NPR1: variants seen among roughly 807,000 people sequenced by gnomAD.
NPR1 encodes atrial natriuretic peptide receptor 1.
A neutral mutation model predicts 116.9 loss-of-function variants in NPR1; 57 were observed. That is an observed-to-expected ratio of 0.49 (90% CI 0.39 to 0.61). The LOEUF is 0.61. Among genes scored for constraint, NPR1 ranks in the 20% least tolerant of loss-of-function variants. NPR1 has a pLI of 0.00. For synonymous variants in NPR1, 555 were observed against 601.6 expected, an observed-to-expected ratio of 0.92 and a Z score of 1.13; for missense variants, 1,096 against 1,409.8, an observed-to-expected ratio of 0.78 and a Z score of 3.56.
Position 153,689,537 on chromosome 1 carries a change from G to A in NPR1, c.2757+16G>A, listed in dbSNP as rs746405749. 2 of 1,608,700 alleles carry A rather than the reference G, an allele frequency of 1.2e-6. No individual in the cohort carries two copies. Among genetic ancestry groups the A allele is most frequent in the Non-Finnish European group, 1.7e-6 (2 of 1,175,116 alleles). ...TGTGTACAAGGTGAGGGTGGGAGTG[G>A]GGATGGGAAGGGACAGACAGACATG... On this transcript the variant is annotated intron_variant, in intron 18 of 21. Transcript: ENST00000368680. This position sits in a 1 kb window ranked among gnomAD's most constrained non-coding sequence, Gnocchi z 5.1.
chr1:153,692,523 T>A (rs1362190964), intron 20 of NPR1, among the ~76,000 whole-genome samples: 1 of 151,842 alleles, frequency 6.6e-6, no homozygotes, highest in African/African-American at 2.4e-5. Context: ...TTTTTTTTTT[T>A]TTGGAGACAG....
At position 153,679,807 on chromosome 1, in the gene NPR1, G is replaced by C. The variant is rs1430301101; in HGVS notation, c.699G>C (p.Arg233=). ...DDLSHYTRLL[R]TMPRKGRVIY... Reference sequence around the variant, plus strand: ...TCAGCCACTACACCAGGCTGCTGCGGACCATGCCGCGCAAAGGCCGAGGTG... The same window carrying C: ...TCAGCCACTACACCAGGCTGCTGCGCACCATGCCGCGCAAAGGCCGAGGTG... Residue 233 remains arginine (R), a synonymous_variant, in exon 1 of 22, where the codon CGG becomes CGC. Coordinates refer to ENST00000368680, the MANE Select transcript of NPR1 (RefSeq NM_000906.4). The surrounding 1 kb of genome is among the most constrained non-coding windows in gnomAD (Gnocchi z 4.2). The C allele has an allele frequency of 1.3e-6, 2 of 1,544,474 alleles. No homozygotes were observed. Among genetic ancestry groups the C allele is most frequent in the Middle Eastern group, 1.7e-4 (1 of 5,984 alleles).
intron 19 of NPR1, 108 bp downstream of exon 19, chr1:153,690,088 C>G: frequency 3.1e-6 from 2 of 652,880 alleles, no homozygotes; most frequent in South Asian, 2.0e-5. Context: ...CTCTCTCTCT[C>G]TCTCTCTCTC....
chr1:153,686,052 T>C (rs1669918866), intron 9 of NPR1, 71 bp from the exon 10 acceptor site: 1 of 1,535,698 alleles, frequency 6.5e-7, no homozygotes, highest in Non-Finnish European at 9.0e-7. Context: ...GGATGGGCTG[T>C]CGGGAGCAGC....
Position 153,689,493 on chromosome 1 carries a change from C to A in NPR1, c.2729C>A (p.Ala910Asp). 1 of 1,614,142 alleles carries A rather than the reference C, an allele frequency of 6.2e-7. No homozygotes were observed. The highest frequency in any genetic ancestry group is 8.5e-7 in the Non-Finnish European group (1 of 1,179,986). ...AATGACCTGTACACTTGCTTTGATG[C>A]TGTCATAGACAACTTTGATGTGTAC... The part of the protein sequence containing the change: ...LLNDLYTCFD[A>D]VIDNFDVYKV... Residue 910 changes from alanine (A) to aspartate (D), a missense_variant, in exon 18 of 22, where the codon GCT becomes GAT. Physicochemically the swap from Ala to Asp is moderately radical, Grantham distance 126. Transcript: ENST00000368680. This position sits in a 1 kb window ranked among gnomAD's most constrained non-coding sequence, Gnocchi z 5.1.
chr1:153,683,903 G>A (rs1437792870), intron 7 of NPR1, 79 bp downstream of exon 7: 5 of 1,294,068 alleles, frequency 3.9e-6, no homozygotes, highest in Non-Finnish European at 5.6e-6. Context: ...GGGACCCAGA[G>A]GGAAGAGGGC....
chr1:153,687,239 G>A lies in NPR1; in HGVS notation c.1975G>A (p.Gly659Arg). 6.2e-7 allele frequency: 1 copy of A among 1,614,154 alleles called. No individual in the cohort carries two copies. Among genetic ancestry groups the A allele is most frequent in the Non-Finnish European group, 8.5e-7 (1 of 1,180,006 alleles). ...FLHNGAICSH[G>R]NLKSSNCVVD... Reference sequence around the variant, plus strand: ...ACACAATGGGGCTATCTGTTCCCATGGGAACCTCAAGTCATCCAACTGCGT... The same window carrying A: ...ACACAATGGGGCTATCTGTTCCCATAGGAACCTCAAGTCATCCAACTGCGT... Residue 659 changes from glycine to arginine, a missense_variant, in exon 13 of 22, where the codon GGG (glycine) becomes AGG (arginine). Gly to Arg is a moderately radical substitution (Grantham distance 125). Transcript: ENST00000368680.
intron 3 of NPR1, 168 bp from the exon 4 acceptor site, chr1:153,681,536 T>G: frequency 1.4e-6 from 1 of 715,994 alleles, no homozygotes. Flanking sequence ...CAGGAAGTGA[T>G]GCTAATCCAA....
chr1:153,681,006 A>C, intron 2 of NPR1, 174 bp from the exon 3 acceptor site: 1 of 602,372 alleles, frequency 1.7e-6, no homozygotes. Context: ...AAGGCATCCC[A>C]TTGGATCCCC....
chr1:153,683,626 G>GCCTTTTTCTT (rs1006619618), intron 6 of NPR1, 114 bp from the exon 7 acceptor site: 1 of 1,550,742 alleles, frequency 6.4e-7, no homozygotes, highest in African/African-American at 1.4e-5. Context: ...AATGACTCCT[G>GCCTTTTTCTT]CCTTTTTCTT....
Position 153,687,676 on chromosome 1 carries a change from C to A in NPR1, c.2135C>A (p.Pro712His). ...TAPELLRMAS[P>H]PVRGSQAGDV... ...CCTGAGCTCCTGCGAATGGCTTCAC[C>A]CCCTGTGCGGGGCTCCCAGGCTGGT... The change falls in exon 14 of 22, where the codon CCC becomes CAC. Residue 712 changes from proline (P) to histidine (H), a missense_variant. Coordinates refer to ENST00000368680, the MANE Select transcript of NPR1 (RefSeq NM_000906.4). The A allele has an allele frequency of 1.2e-6, 2 of 1,603,714 alleles. No individual in the cohort carries two copies. Among genetic ancestry groups the A allele is most frequent in the Non-Finnish European group, 1.7e-6 (2 of 1,171,838 alleles).
chr1:153,680,837 C>A, intron 2 of NPR1, 137 bp downstream of exon 2: 2 of 724,920 alleles, frequency 2.8e-6, no homozygotes, highest in South Asian at 1.9e-5. Flanking sequence ...CCTGGTAACT[C>A]ACAGAACAGA....
intron 3 of NPR1, 160 bp from the exon 4 acceptor site, chr1:153,681,544 C>T: frequency 1.3e-6 from 1 of 755,576 alleles, no homozygotes; most frequent in Non-Finnish European, 2.1e-6. Context: ...GATGCTAATC[C>T]AAAGGCATCG....
Position 153,679,317 on chromosome 1 carries a change from C to G in NPR1, c.209C>G (p.Pro70Arg). 1 of 1,533,184 alleles carries G rather than the reference C, an allele frequency of 6.5e-7. No individual in the cohort carries two copies. Among genetic ancestry groups the G allele is most frequent in the Non-Finnish European group, 8.7e-7 (1 of 1,145,846 alleles). The allele number at this position is 1,533,184 out of a possible 1,614,324, so 95.0% of individuals were successfully genotyped here. ...ELALAQVKARPDLLPGWTVRT... is the reference protein window; with the variant it reads ...ELALAQVKARRDLLPGWTVRT... ...GCCCTGGCCCAGGTGAAGGCGCGCC[C>G]CGACTTGCTGCCGGGCTGGACGGTC... The change falls in exon 1 of 22, where the codon CCC becomes CGC. Residue 70 changes from proline (P) to arginine (R), a missense_variant. Coordinates refer to ENST00000368680, the MANE Select transcript of NPR1 (RefSeq NM_000906.4). This position sits in a 1 kb window ranked among gnomAD's most constrained non-coding sequence, Gnocchi z 4.2.
At position 153,679,191 on chromosome 1, in the gene NPR1, G is replaced by C; in HGVS notation, c.83G>C (p.Arg28Pro). Residue 28 changes from arginine to proline, a missense_variant, in exon 1 of 22, where the codon CGG (arginine) becomes CCG (proline). Transcript: ENST00000368680. The surrounding 1 kb of genome is among the most constrained non-coding windows in gnomAD (Gnocchi z 4.2). ...LLLPPLLLLLRGSHAGNLTVA... is the reference protein window; with the variant it reads ...LLLPPLLLLLPGSHAGNLTVA... ...CTGCCGCCGCTGCTGCTGCTGCTCCGGGGCAGCCACGCGGGCAACCTGACG... is the reference window on the plus strand; with the variant it reads ...CTGCCGCCGCTGCTGCTGCTGCTCCCGGGCAGCCACGCGGGCAACCTGACG... The C allele has an allele frequency of 1.3e-6, 2 of 1,511,760 alleles. No homozygotes were observed. The highest frequency in any genetic ancestry group is 2.7e-5 in the East Asian group (1 of 37,308). 93.6% of individuals were successfully genotyped at this position (1,511,760 alleles called of 1,614,324 possible).
In NPR1 at chr1:153,679,811, A is replaced by G. The variant is rs866721217; in HGVS notation, c.703A>G (p.Met235Val). Residue 235 changes from methionine to valine, a missense_variant, in exon 1 of 22, where the codon ATG becomes GTG. Coordinates refer to ENST00000368680, the MANE Select transcript of NPR1 (RefSeq NM_000906.4). The surrounding 1 kb of genome is among the most constrained non-coding windows in gnomAD (Gnocchi z 4.2). Reference protein sequence around the residue: ...LSHYTRLLRTMPRKGRVIYIC... With the variant: ...LSHYTRLLRTVPRKGRVIYIC... Reference sequence around the variant, plus strand: ...CCACTACACCAGGCTGCTGCGGACCATGCCGCGCAAAGGCCGAGGTGAGAC... The same window carrying G: ...CCACTACACCAGGCTGCTGCGGACCGTGCCGCGCAAAGGCCGAGGTGAGAC... 3.9e-6 allele frequency: 6 copies of G among 1,543,086 alleles called. No individual in the cohort carries two copies. Among genetic ancestry groups the G allele is most frequent in the Middle Eastern group, 3.3e-4 (2 of 5,982 alleles).
At chr1:153,681,554 G>T (rs61757352) in intron 3 of NPR1, 150 bp from the exon 4 acceptor site, 2 of 813,228 alleles carry the variant, frequency 2.5e-6, no homozygotes, top group African/African-American at 1.7e-5. Context: ...CAAAGGCATC[G>T]TTTAAATAGT....
chr1:153,683,293 G>T, intron 5 of NPR1, 83 bp from the exon 6 acceptor site: 3 of 1,482,112 alleles, frequency 2.0e-6, no homozygotes, highest in Non-Finnish European at 2.7e-6. Context: ...CAGAGCTGGG[G>T]TAGGTGGGAG....
chr1:153,689,391 C>A lies in NPR1; in HGVS notation c.2689-62C>A. The A allele has an allele frequency of 6.2e-7, 1 of 1,613,528 alleles. No individual in the cohort carries two copies. The highest frequency in any genetic ancestry group is 8.5e-7 in the Non-Finnish European group (1 of 1,179,482). On this transcript the variant is annotated intron_variant, in intron 17 of 21. Transcript: ENST00000368680. This position sits in a 1 kb window ranked among gnomAD's most constrained non-coding sequence, Gnocchi z 5.1. ...AGACCTGCCTTCTGGTTCTGCTTTA[C>A]CCACCTGACCCCAGGTGGGGTCCCC...
Sources: gnomAD v4.1 joint callset for allele counts (sites outside exome capture counted in the v4.1 genomes callset) on GRCh38, gnomAD v4.1.1 for gene constraint, Gnocchi (gnomAD v3.1) non-coding constraint, MANE v1.5 for transcripts, NCBI Gene and HGNC (gene_info 2026-07-23, HGNC 2026-07-21) for gene names.